The following TMEM178B variants were observed in gnomAD, a reference collection of about 807,000 sequenced individuals.
TMEM178B encodes the protein transmembrane protein 178B.
A neutral mutation model predicts 31.0 loss-of-function variants in TMEM178B; 5 were observed. That is an observed-to-expected ratio of 0.16 (90% CI 0.08 to 0.34). The LOEUF is 0.34. Among genes scored for constraint, TMEM178B ranks in the 10% least tolerant of loss-of-function variants. TMEM178B has a pLI of 1.00. For synonymous variants in TMEM178B, 164 were observed against 164.0 expected (o/e 1.00, Z 0.00); for missense variants, 275 against 400.3 (o/e 0.69, Z 2.67).
chr7:141,400,541 C>T (rs1800741996), intron 2 of TMEM178B, among the ~76,000 whole-genome samples: 1 of 152,196 alleles, frequency 6.6e-6, no homozygotes, highest in South Asian at 2.1e-4. Context: ...TACACCCACC[C>T]ATTCCCAGAA....
chr7:141,311,487 C>A (rs376179833), intron 2 of TMEM178B, among the ~76,000 whole-genome samples: 7 of 152,064 alleles, frequency 4.6e-5, no homozygotes, highest in African/African-American at 1.7e-4. Flanking sequence ...ATTAGAGTTT[C>A]AAAAATATAA....
Position 141,105,254 on chromosome 7 carries a change from A to G in TMEM178B, c.382+30562A>G, listed in dbSNP as rs370040283. Among the ~76,000 whole-genome samples, 8 of 152,326 alleles carry G rather than the reference A, an allele frequency of 5.3e-5. No individual in the cohort carries two copies. The South Asian group carries it at 8.3e-4, about 16-fold the overall frequency. On this transcript the variant is annotated intron_variant, in intron 1 of 3. Transcript: ENST00000565468. ...GCTGCTGTGGTGGCTCACGCCTGTAATCCCAGCACTTTGGAGGCCGAGGTG... is the reference window on the plus strand; with the variant it reads ...GCTGCTGTGGTGGCTCACGCCTGTAGTCCCAGCACTTTGGAGGCCGAGGTG...
intron 1 of TMEM178B, among the ~76,000 whole-genome samples, chr7:141,211,195 G>A (rs1278798307): frequency 1.3e-5 from 2 of 152,162 alleles, no homozygotes; most frequent in African/African-American, 4.8e-5. Context: ...AGAGGCTTCA[G>A]GATGCTTGTG....
At chr7:141,489,623 C>A in the TMEM178B span, among the ~76,000 whole-genome samples, 1 of 152,046 alleles carries the variant, frequency 6.6e-6, no homozygotes, top group Non-Finnish European at 1.5e-5. Context: ...CCAGTCCCTT[C>A]ATGTGTGTGT....
At chr7:141,246,962 T>C (rs1797741082) in intron 2 of TMEM178B, among the ~76,000 whole-genome samples, 1 of 152,188 alleles carries the variant, frequency 6.6e-6, no homozygotes, top group African/African-American at 2.4e-5. Context: ...ATCTGTTTGC[T>C]TCTTTGTAGA....
chr7:141,332,818 T>G (rs1799319778), intron 2 of TMEM178B, among the ~76,000 whole-genome samples: 1 of 152,246 alleles, frequency 6.6e-6, no homozygotes. Flanking sequence ...GTAGTGAGTG[T>G]TGCAAATTAA....
At chr7:141,082,366 G>A (rs1053385745) in intron 1 of TMEM178B, among the ~76,000 whole-genome samples, 3 of 152,208 alleles carry the variant, frequency 2.0e-5, no homozygotes. Flanking sequence ...ACTGTTTAAT[G>A]TCTAAAACAC....
At chr7:141,122,265 GC>G (rs554050465) in intron 1 of TMEM178B, among the ~76,000 whole-genome samples, 25 of 152,308 alleles carry the variant, frequency 1.6e-4, no homozygotes, top group Middle Eastern at 3.4e-3. Context: ...GAAAAAATAT[GC>G]CTTGAGGAGG....
chr7:141,279,967 C>A lies in TMEM178B; in HGVS notation c.496+67263C>A, dbSNP rs149192091. The stretch of plus-strand genomic sequence containing the variant: ...CTTTCAGTTGCAAGTGACAGAAACC[C>A]AGCTTGGTGAATCCAGTTGCAAGCT... On this transcript the variant is annotated intron_variant, in intron 2 of 3. Transcript: ENST00000565468. Among the ~76,000 whole-genome samples, 289 of 152,356 alleles carry A rather than the reference C, an allele frequency of 1.9e-3. 3 individuals are homozygous for A. Among genetic ancestry groups the A allele is most frequent in the African/African-American group, 6.6e-3 (275 of 41,590 alleles).
At chr7:141,353,206 G>A (rs957345763) in intron 2 of TMEM178B, among the ~76,000 whole-genome samples, 1 of 152,056 alleles carries the variant, frequency 6.6e-6, no homozygotes, top group Non-Finnish European at 1.5e-5. Context: ...GGCTGAGTTC[G>A]CATTCCAACT....
At chr7:141,409,649 G>A (rs1800945258) in intron 2 of TMEM178B, among the ~76,000 whole-genome samples, 1 of 151,852 alleles carries the variant, frequency 6.6e-6, no homozygotes, top group Non-Finnish European at 1.5e-5. Flanking sequence ...TCTGTAATTA[G>A]CCTGCTTTCT....
chr7:141,440,936 T>C (rs1041994226), intron 3 of TMEM178B, among the ~76,000 whole-genome samples: 13 of 152,226 alleles, frequency 8.5e-5, no homozygotes, highest in Non-Finnish European at 1.6e-4. Context: ...TGAGTACCAT[T>C]AGGCACTAAC....
At chr7:141,249,364 A>G (rs1017802884) in intron 2 of TMEM178B, among the ~76,000 whole-genome samples, 1 of 152,158 alleles carries the variant, frequency 6.6e-6, no homozygotes, top group African/African-American at 2.4e-5. Context: ...GCCACGTGGA[A>G]CTGTGAATCC....
At chr7:141,247,936 A>G (rs966035413) in intron 2 of TMEM178B, among the ~76,000 whole-genome samples, 9 of 151,704 alleles carry the variant, frequency 5.9e-5, no homozygotes, top group African/African-American at 1.7e-4. Flanking sequence ...CCCTCATGAG[A>G]TCTTGTGTCT....
chr7:141,123,677 C>G (rs1795444632), intron 1 of TMEM178B, among the ~76,000 whole-genome samples: 1 of 152,200 alleles, frequency 6.6e-6, no homozygotes, highest in Non-Finnish European at 1.5e-5. Flanking sequence ...AGAACATACT[C>G]TGAGGCTCTT....
intron 3 of TMEM178B, among the ~76,000 whole-genome samples, chr7:141,455,638 G>A (rs184435582): frequency 1.2e-4 from 18 of 152,306 alleles, no homozygotes; most frequent in Admixed American, 1.0e-3. Flanking sequence ...ACCTTACAAC[G>A]TTGCTTCGAG....
intron 1 of TMEM178B, among the ~76,000 whole-genome samples, chr7:141,090,016 A>G (rs907382279): frequency 1.3e-5 from 2 of 152,114 alleles, no homozygotes; most frequent in African/African-American, 4.8e-5. Context: ...AATAAAAAAA[A>G]AAGTCTAGCC....
At chr7:141,325,587 A>C (rs1799175135) in intron 2 of TMEM178B, among the ~76,000 whole-genome samples, 1 of 152,166 alleles carries the variant, frequency 6.6e-6, no homozygotes, top group Non-Finnish European at 1.5e-5. Flanking sequence ...CATGATGCTC[A>C]AGCCTACTGC....
At chr7:141,300,039 C>T (rs1196657627) in intron 2 of TMEM178B, among the ~76,000 whole-genome samples, 2 of 152,168 alleles carry the variant, frequency 1.3e-5, no homozygotes, top group Non-Finnish European at 2.9e-5. Flanking sequence ...TCACCTTAGC[C>T]TCTCAAAGTG....
Sources: allele counts gnomAD v4.1 joint callset (sites outside exome capture counted in the v4.1 genomes callset), GRCh38; gene constraint gnomAD v4.1.1; transcripts MANE v1.5; gene names NCBI Gene and HGNC (gene_info 2026-07-23, HGNC 2026-07-21).